The following NRCAM variants were observed in gnomAD, a reference collection of about 807,000 sequenced individuals.
The protein encoded by NRCAM is NgCAM-related cell adhesion molecule.
A neutral mutation model predicts 156.5 loss-of-function variants in NRCAM; 83 were observed. The ratio of observed to expected loss-of-function variants is 0.53; its 90% CI spans 0.44 to 0.64. The LOEUF (loss-of-function observed/expected upper bound fraction) is 0.64. Ranked by LOEUF, NRCAM falls within the 30% of genes least tolerant of loss-of-function variation. The probability of loss-of-function intolerance (pLI) is 0.00; values close to 1 mark genes in which losing one functional copy is unlikely to be tolerated. For missense variants in NRCAM, 1,417 were observed against 1,597.3 expected, an observed-to-expected ratio of 0.89 and a Z score of 1.92; for synonymous variants, 538 against 563.9, an observed-to-expected ratio of 0.95 and a Z score of 0.65.
intron 4 of NRCAM, among the ~76,000 whole-genome samples, chr7:108,238,973 T>C (rs1008326829): frequency 6.6e-6 from 1 of 152,088 alleles, no homozygotes; most frequent in Non-Finnish European, 1.5e-5. Context: ...ATCCCAACAA[T>C]TGAATAGCCC....
intron 9 of NRCAM, 101 bp downstream of exon 9, chr7:108,226,107 G>A: frequency 1.2e-6 from 1 of 806,682 alleles, no homozygotes; most frequent in Non-Finnish European, 2.0e-6. Context: ...TCCTGATAAT[G>A]AACCTGTTTA....
chr7:108,159,886 TTTC>T, intron 31 of NRCAM, among the ~76,000 whole-genome samples: 1 of 152,316 alleles, frequency 6.6e-6, no homozygotes, highest in East Asian at 1.9e-4. Flanking sequence ...AGATTTTTTT[TTTC>T]TTGTCACTGA....
intron 2 of NRCAM, among the ~76,000 whole-genome samples, chr7:108,368,684 C>G (rs2099609291): frequency 6.6e-6 from 1 of 152,148 alleles, no homozygotes. Context: ...CAAGGGCCAG[C>G]TGATCTAACA....
chr7:108,159,673 T>C, intron 31 of NRCAM, 132 bp from the exon 32 acceptor site: 1 of 652,476 alleles, frequency 1.5e-6, no homozygotes, highest in Non-Finnish European at 2.6e-6. Context: ...TATAACCATA[T>C]ATATGGTGGC....
intron 2 of NRCAM, among the ~76,000 whole-genome samples, chr7:108,335,104 G>A (rs552833864): frequency 3.9e-5 from 6 of 152,264 alleles, no homozygotes; most frequent in Non-Finnish European, 8.8e-5. Flanking sequence ...GGTCAGAGAA[G>A]TAACTTGCCT....
intron 3 of NRCAM, among the ~76,000 whole-genome samples, chr7:108,257,211 T>C (rs996660745): frequency 4.6e-5 from 7 of 152,030 alleles, no homozygotes; most frequent in Non-Finnish European, 8.8e-5. Flanking sequence ...GGAGACTGAC[T>C]ATAAACAGGC....
At chr7:108,188,303 A>C (rs2068534630) in intron 20 of NRCAM, among the ~76,000 whole-genome samples, 1 of 152,080 alleles carries the variant, frequency 6.6e-6, no homozygotes. Context: ...GGAGCCTTAG[A>C]GAAGGAGAAG....
chr7:108,419,249 G>C (rs983626794), intron 1 of NRCAM, among the ~76,000 whole-genome samples: 1 of 152,116 alleles, frequency 6.6e-6, no homozygotes, highest in African/African-American at 2.4e-5. Flanking sequence ...TACTGCAGAC[G>C]TTTTATTTTC....
chr7:108,304,194 C>A (rs1472707507), intron 3 of NRCAM, among the ~76,000 whole-genome samples: 1 of 152,160 alleles, frequency 6.6e-6, no homozygotes, highest in Non-Finnish European at 1.5e-5. Flanking sequence ...TTGTGATTTT[C>A]CCCACTGTAA....
chr7:108,226,119 T>G, intron 9 of NRCAM, 89 bp downstream of exon 9: 1 of 931,184 alleles, frequency 1.1e-6, no homozygotes, highest in Non-Finnish European at 1.6e-6. Context: ...ACCTGTTTAC[T>G]TCAAAGTCAG....
chr7:108,432,183 T>C (rs1230847866), intron 1 of NRCAM, among the ~76,000 whole-genome samples: 2 of 152,258 alleles, frequency 1.3e-5, no homozygotes, highest in African/African-American at 2.4e-5. Context: ...CTTTATCCTA[T>C]GTCCACTATG....
chr7:108,452,486 AG>A (rs1851601389), intron 1 of NRCAM, among the ~76,000 whole-genome samples: 1 of 152,236 alleles, frequency 6.6e-6, no homozygotes, highest in Non-Finnish European at 1.5e-5. Context: ...TTGCCAAGGC[AG>A]TAAAATGTTT....
chr7:108,197,574 T>C (rs2075814500), intron 14 of NRCAM, among the ~76,000 whole-genome samples: 1 of 152,220 alleles, frequency 6.6e-6, no homozygotes, highest in Non-Finnish European at 1.5e-5. Context: ...TTATGATTCA[T>C]GCATTAGTTT....
At chr7:108,280,981 C>G (rs1423187867) in intron 3 of NRCAM, among the ~76,000 whole-genome samples, 2 of 152,192 alleles carry the variant, frequency 1.3e-5, no homozygotes, top group African/African-American at 4.8e-5. Flanking sequence ...GAAGTCCCAA[C>G]AGTTTTTAGA....
chr7:108,450,185 C>T (rs911566708), intron 1 of NRCAM, among the ~76,000 whole-genome samples: 1 of 151,154 alleles, frequency 6.6e-6, no homozygotes, highest in Non-Finnish European at 1.5e-5. Flanking sequence ...TGTGTTCGAA[C>T]TGAATATGCC....
chr7:108,432,145 A>G (rs1444347909), intron 1 of NRCAM, among the ~76,000 whole-genome samples: 2 of 152,234 alleles, frequency 1.3e-5, no homozygotes, highest in African/African-American at 4.8e-5. Flanking sequence ...TTGTCCTTAC[A>G]GAATGTTTAC....
chr7:108,261,613 G>C (rs1405063126), intron 3 of NRCAM, among the ~76,000 whole-genome samples: 1 of 150,996 alleles, frequency 6.6e-6, no homozygotes, highest in East Asian at 1.9e-4. Flanking sequence ...CATTAGAGTT[G>C]TTGTATTGGA....
rs547023100 is a variant in NRCAM, at chr7:108,194,744, T to G, written c.1464-316A>C. 5.9e-5 allele frequency among the ~76,000 whole-genome samples: 9 copies of G among 152,356 alleles called. No homozygotes were observed. In the South Asian group the frequency reaches 1.2e-3, roughly 21 times the overall value. ...GGCCAAGGGAAATTTTCCTTTAATCTTAACCCTGCATATATTCTGACCTCA... is the reference window on the plus strand; with the variant it reads ...GGCCAAGGGAAATTTTCCTTTAATCGTAACCCTGCATATATTCTGACCTCA... On this transcript the variant is annotated intron_variant, in intron 15 of 32. Coordinates refer to ENST00000379028, the MANE Select transcript of NRCAM (RefSeq NM_001037132.4).
intron 13 of NRCAM, 100 bp from the exon 14 acceptor site, chr7:108,198,199 G>T: frequency 1.2e-6 from 1 of 809,066 alleles, no homozygotes; most frequent in Non-Finnish European, 1.9e-6. Context: ...ACTGCTCTAA[G>T]TACATGCAGT....
Sources: gnomAD v4.1 joint callset for allele counts (sites outside exome capture counted in the v4.1 genomes callset) on GRCh38, gnomAD v4.1.1 for gene constraint, MANE v1.5 for transcripts, NCBI Gene and HGNC (gene_info 2026-07-23, HGNC 2026-07-21) for gene names.